The following PLA2G4A variants were observed in gnomAD, a reference collection of about 807,000 sequenced individuals.
PLA2G4A encodes the protein cytosolic phospholipase A2.
A neutral mutation model predicts 81.9 loss-of-function variants in PLA2G4A; 40 were observed. The ratio of observed to expected loss-of-function variants is 0.49; its 90% CI spans 0.38 to 0.64. The LOEUF (loss-of-function observed/expected upper bound fraction) is 0.64, where lower values mean the gene tolerates loss of function less well. PLA2G4A is among the 30% of genes least tolerant of loss of function. The pLI is 0.00. For synonymous variants in PLA2G4A, 302 were observed against 296.9 expected (o/e 1.02, Z -0.18); for missense variants, 715 against 905.1 (o/e 0.79, Z 2.69).
In PLA2G4A at chr1:186,910,005, A is replaced by T. The variant is rs1052171138; in HGVS notation, c.417-1243A>T. ...TTATTTTTCCTTTCTAGGACTAGAA[A>T]ATAAGTATTTAAAATATTTTAATAT... On this transcript the variant is annotated intron_variant, in intron 6 of 17. Transcript: ENST00000367466. 2.6e-5 allele frequency among the ~76,000 whole-genome samples: 4 copies of T among 152,272 alleles called. No individual in the cohort carries two copies. In the East Asian group the frequency reaches 7.7e-4, roughly 29 times the overall value.
At chr1:186,871,341 T>C (rs1314068973) in intron 3 of PLA2G4A, among the ~76,000 whole-genome samples, 1 of 152,182 alleles carries the variant, frequency 6.6e-6, no homozygotes, top group East Asian at 1.9e-4. Flanking sequence ...TACAACAAAG[T>C]ATTATGATGA....
At chr1:186,913,823 G>T (rs529356934) in intron 7 of PLA2G4A, among the ~76,000 whole-genome samples, 1 of 152,262 alleles carries the variant, frequency 6.6e-6, no homozygotes, top group African/African-American at 2.4e-5. Context: ...AGTTGGAAAT[G>T]AGACATAAAT....
At chr1:186,962,091 G>A (rs1340311039) in intron 14 of PLA2G4A, among the ~76,000 whole-genome samples, 1 of 147,068 alleles carries the variant, frequency 6.8e-6, no homozygotes, top group Non-Finnish European at 1.5e-5. Flanking sequence ...GACTGTCACA[G>A]TATCACAATG....
At chr1:186,886,478 T>G (rs2102094473) in intron 3 of PLA2G4A, among the ~76,000 whole-genome samples, 1 of 152,290 alleles carries the variant, frequency 6.6e-6, no homozygotes, top group Non-Finnish European at 1.5e-5. Context: ...CTAAGATCTC[T>G]GTGTGTAATT....
At chr1:186,941,818 A>T (rs766190795) in intron 10 of PLA2G4A, among the ~76,000 whole-genome samples, 1 of 152,182 alleles carries the variant, frequency 6.6e-6, no homozygotes, top group Non-Finnish European at 1.5e-5. Flanking sequence ...AAGGCACAAG[A>T]GAGTACAGAA....
intron 7 of PLA2G4A, among the ~76,000 whole-genome samples, chr1:186,919,503 A>G (rs765830704): frequency 3.1e-4 from 47 of 152,090 alleles, no homozygotes; most frequent in Non-Finnish European, 5.3e-4. Flanking sequence ...TCCCAGCAGA[A>G]GGTCGTCCAC....
At chr1:186,831,962 T>A (rs1571316814) in intron 1 of PLA2G4A, among the ~76,000 whole-genome samples, 1 of 149,662 alleles carries the variant, frequency 6.7e-6, no homozygotes, top group Admixed American at 6.7e-5. Flanking sequence ...ATGTTTTTTT[T>A]AATAATCATG....
chr1:186,958,456 G>A (rs1030066269), intron 14 of PLA2G4A, among the ~76,000 whole-genome samples: 10 of 152,000 alleles, frequency 6.6e-5, no homozygotes, highest in African/African-American at 2.2e-4. Flanking sequence ...TAATGATGAT[G>A]AGCTTAAAAA....
At chr1:186,830,941 GCTTGCTTGCTTGCTTGCTTT>G (rs1410972856) in intron 1 of PLA2G4A, among the ~76,000 whole-genome samples, 15,791 of 86,450 alleles carry the variant, frequency 0.18, 1,024 homozygotes, top group Admixed American at 0.23. Flanking sequence ...TGTATAGCTT[GCTTGCTTGCTTGCTTGCTTT>G]CTTTCTTTCT....
chr1:186,971,274 A>G (rs1393588584), intron 15 of PLA2G4A, among the ~76,000 whole-genome samples: 1 of 151,900 alleles, frequency 6.6e-6, no homozygotes, highest in Non-Finnish European at 1.5e-5. Flanking sequence ...TGTCAGTACC[A>G]TACTGCATTT....
intron 3 of PLA2G4A, among the ~76,000 whole-genome samples, chr1:186,876,163 A>T (rs1269945476): frequency 6.6e-6 from 1 of 152,006 alleles, no homozygotes; most frequent in Non-Finnish European, 1.5e-5. Flanking sequence ...AATGTGAGGG[A>T]TGCATGTTGA....
chr1:186,905,133 G>A (rs935915874), intron 5 of PLA2G4A, among the ~76,000 whole-genome samples: 1 of 152,168 alleles, frequency 6.6e-6, no homozygotes, highest in Non-Finnish European at 1.5e-5. Flanking sequence ...GGGATTACAG[G>A]TGTGAGCCAC....
intron 5 of PLA2G4A, among the ~76,000 whole-genome samples, chr1:186,903,419 C>T (rs1035820744): frequency 6.6e-6 from 1 of 152,124 alleles, no homozygotes; most frequent in Non-Finnish European, 1.5e-5. Context: ...TTGTAATAAT[C>T]ATTTTAAAGC....
chr1:186,860,529 G>T (rs1303223651), intron 2 of PLA2G4A, among the ~76,000 whole-genome samples: 1 of 152,136 alleles, frequency 6.6e-6, no homozygotes, highest in East Asian at 1.9e-4. Flanking sequence ...ATCCAGGAGG[G>T]CAATCTACTT....
intron 7 of PLA2G4A, among the ~76,000 whole-genome samples, chr1:186,912,035 A>T (rs1654962708): frequency 6.6e-6 from 1 of 152,136 alleles, no homozygotes; most frequent in African/African-American, 2.4e-5. Context: ...ACAATTGCCC[A>T]CCTTCCACCT....
intron 1 of PLA2G4A, among the ~76,000 whole-genome samples, chr1:186,851,302 C>T (rs1201451530): frequency 1.6e-4 from 25 of 151,970 alleles, no homozygotes; most frequent in Non-Finnish European, 1.5e-5. Context: ...CTGCAGCAAT[C>T]TAAAGGCTTC....
chr1:186,945,811 T>G (rs1261587169), intron 10 of PLA2G4A, among the ~76,000 whole-genome samples: 2 of 152,288 alleles, frequency 1.3e-5, no homozygotes, highest in East Asian at 3.9e-4. Flanking sequence ...TTAGACATAG[T>G]CGTAGCCATG....
At chr1:186,934,459 T>TACACACACAC (rs1435890369) in intron 8 of PLA2G4A, among the ~76,000 whole-genome samples, 2 of 126,928 alleles carry the variant, frequency 1.6e-5, no homozygotes, top group African/African-American at 3.6e-5. Flanking sequence ...TATATATATA[T>TACACACACAC]ATATACATAC....
intron 7 of PLA2G4A, among the ~76,000 whole-genome samples, chr1:186,913,349 T>A (rs1322335718): frequency 6.6e-6 from 1 of 152,074 alleles, no homozygotes; most frequent in East Asian, 1.9e-4. Context: ...ATATCCTTTA[T>A]TACTCAATCA....
Sources: gnomAD v4.1 joint callset for allele counts (sites outside exome capture counted in the v4.1 genomes callset) on GRCh38, gnomAD v4.1.1 for gene constraint, MANE v1.5 for transcripts, NCBI Gene and HGNC (gene_info 2026-07-23, HGNC 2026-07-21) for gene names.